ROBO2: variants seen among roughly 807,000 people sequenced by gnomAD.
ROBO2 encodes roundabout homolog 2.
In ROBO2, 53 loss-of-function variants were observed where a neutral mutation model predicts 160.8. The observed-to-expected ratio is 0.33, with a 90% CI of 0.26 to 0.41. The LOEUF (loss-of-function observed/expected upper bound fraction) is 0.41, where lower values mean the gene tolerates loss of function less well. ROBO2 is among the 10% of genes least tolerant of loss of function. ROBO2 has a pLI of 1.00. For synonymous variants in ROBO2, 664 were observed against 611.7 expected (o/e 1.09, Z -1.26); for missense variants, 1,577 against 1,722.4 (o/e 0.92, Z 1.49).
At chr3:77,358,000 C>G (rs1465707853) in intron 2 of ROBO2, among the ~76,000 whole-genome samples, 1 of 152,106 alleles carries the variant, frequency 6.6e-6, no homozygotes, top group Admixed American at 6.6e-5. Context: ...CAGGAAGATC[C>G]TGTTTAAAAT....
chr3:77,381,726 T>G (rs895449409), intron 2 of ROBO2, among the ~76,000 whole-genome samples: 1 of 152,248 alleles, frequency 6.6e-6, no homozygotes, highest in East Asian at 1.9e-4. Flanking sequence ...AACATCATCA[T>G]TGAAAATCTC....
intron 2 of ROBO2, among the ~76,000 whole-genome samples, chr3:76,117,792 A>G (rs952837742): frequency 1.3e-5 from 2 of 152,210 alleles, no homozygotes; most frequent in African/African-American, 4.8e-5. Flanking sequence ...AATGAATTTT[A>G]AACAAAAACT....
chr3:77,465,319 T>C (rs2153575411), intron 2 of ROBO2, among the ~76,000 whole-genome samples: 1 of 152,280 alleles, frequency 6.6e-6, no homozygotes, highest in Admixed American at 6.5e-5. Flanking sequence ...GGAGAGAAAC[T>C]CAAACCATCT....
intron 2 of ROBO2, among the ~76,000 whole-genome samples, chr3:77,345,329 G>T (rs561655896): frequency 6.6e-6 from 1 of 152,038 alleles, no homozygotes; most frequent in Non-Finnish European, 1.5e-5. Flanking sequence ...GTAGAAACAT[G>T]GCAGACTTGG....
intron 2 of ROBO2, among the ~76,000 whole-genome samples, chr3:76,380,259 T>G (rs997295060): frequency 2.0e-5 from 3 of 152,158 alleles, no homozygotes; most frequent in African/African-American, 7.2e-5. Context: ...ATAGAAAGAT[T>G]TGGCACACAT....
intron 2 of ROBO2, among the ~76,000 whole-genome samples, chr3:76,627,778 C>G (rs2089755006): frequency 6.6e-6 from 1 of 152,154 alleles, no homozygotes; most frequent in East Asian, 1.9e-4. Flanking sequence ...GGAAAGCTCA[C>G]TTGTCTGCCT....
At chr3:77,622,856 G>A (rs923013552) in intron 23 of ROBO2, among the ~76,000 whole-genome samples, 4 of 152,198 alleles carry the variant, frequency 2.6e-5, no homozygotes, top group African/African-American at 7.2e-5. Flanking sequence ...AAGTAAGCAC[G>A]TCTCCTGAAT....
At chr3:76,601,404 G>A (rs1196514143) in intron 2 of ROBO2, among the ~76,000 whole-genome samples, 1 of 152,180 alleles carries the variant, frequency 6.6e-6, no homozygotes, top group Non-Finnish European at 1.5e-5. Flanking sequence ...TTCCACCCTT[G>A]CAGCAAACTT....
rs377218108 is a variant in ROBO2, at chr3:76,055,000, C to G, written c.109+117398C>G. Reference sequence around the variant, plus strand: ...GCTGCTAATAAAGACATACCCGAGACTGGGTCATTTATCAAGGAAAGAGGT... The same window carrying G: ...GCTGCTAATAAAGACATACCCGAGAGTGGGTCATTTATCAAGGAAAGAGGT... On this transcript the variant is annotated intron_variant, in intron 2 of 26. Transcript: ENST00000487694. Among the ~76,000 whole-genome samples the G allele has an allele frequency of 5.9e-5, 9 of 152,268 alleles. No homozygotes were observed. In the East Asian group the frequency reaches 7.7e-4, roughly 13 times the overall value.
At chr3:77,035,562 C>T (rs552675033), upstream of ROBO2, among the ~76,000 whole-genome samples, 4 of 151,952 alleles carry the variant, frequency 2.6e-5, no homozygotes, top group East Asian at 7.7e-4. Context: ...AACTTAAATT[C>T]AGATTTATAA....
At chr3:77,281,304 A>C (rs1398088894) in intron 2 of ROBO2, among the ~76,000 whole-genome samples, 1 of 150,474 alleles carries the variant, frequency 6.6e-6, no homozygotes, top group East Asian at 2.1e-4. Context: ...ACCAATTTTC[A>C]ATCCTTCTTT....
intron 20 of ROBO2, 139 bp from the exon 22 acceptor site, chr3:77,607,659 A>C (rs1300201272): frequency 3.8e-6 from 3 of 785,250 alleles, no homozygotes; most frequent in Non-Finnish European, 6.4e-6. Flanking sequence ...TTCTGATTAT[A>C]TCATTTCATT....
At chr3:77,377,466 T>C (rs1210706535) in intron 2 of ROBO2, among the ~76,000 whole-genome samples, 1 of 152,204 alleles carries the variant, frequency 6.6e-6, no homozygotes, top group East Asian at 1.9e-4. Flanking sequence ...ATTACAGTGA[T>C]CTTAATCCAT....
intron 2 of ROBO2, among the ~76,000 whole-genome samples, chr3:76,024,592 A>G (rs1470660287): frequency 6.6e-6 from 1 of 151,650 alleles, no homozygotes; most frequent in East Asian, 1.9e-4. Flanking sequence ...CTATATGGAA[A>G]GAGTATTCGA....
chr3:75,922,900 T>A (rs564323975), intron 1 of ROBO2, among the ~76,000 whole-genome samples: 3 of 152,182 alleles, frequency 2.0e-5, no homozygotes. Context: ...TAATGACAAA[T>A]GCATGTTCAT....
intron 2 of ROBO2, among the ~76,000 whole-genome samples, chr3:75,990,394 TA>T (rs2065533374): frequency 6.6e-6 from 1 of 152,064 alleles, no homozygotes; most frequent in Non-Finnish European, 1.5e-5. Context: ...TCTGGAACAG[TA>T]AAGGGGAAAC....
Position 76,181,867 on chromosome 3 carries a change from TGCCACATTTTTATTATGTA to T in ROBO2, c.109+244268_109+244286del, listed in dbSNP as rs1360785541. On this transcript the variant is annotated intron_variant, in intron 2 of 26. Coordinates refer to the ROBO2 transcript ENST00000487694. ...TTCAACTCTATAAAAAATCTCTGCA[TGCCACATTTTTATTATGTA>T]GCTTTATTCCCAGACCATTTTCCCC... is the stretch of plus-strand genomic sequence containing the variant. Among the ~76,000 whole-genome samples, 5 of 152,314 alleles carry T rather than the reference TGCCACATTTTTATTATGTA, an allele frequency of 3.3e-5. No homozygotes were observed. The East Asian group carries it at 9.7e-4, about 29-fold the overall frequency.
At chr3:77,623,489 C>T (rs553531797) in intron 23 of ROBO2, among the ~76,000 whole-genome samples, 3 of 152,328 alleles carry the variant, frequency 2.0e-5, no homozygotes, top group East Asian at 1.9e-4. Context: ...GCAGCATCAG[C>T]GCCTATGATT....
chr3:76,926,000 C>T (rs2149023895), intron 2 of ROBO2, among the ~76,000 whole-genome samples: 1 of 152,274 alleles, frequency 6.6e-6, no homozygotes, highest in Admixed American at 6.5e-5. Flanking sequence ...TGCCATGCTA[C>T]CAATTGGTTT....
Sources: gnomAD v4.1 joint callset for allele counts (sites outside exome capture counted in the v4.1 genomes callset) on GRCh38, gnomAD v4.1.1 for gene constraint, MANE v1.5 for transcripts, NCBI Gene and HGNC (gene_info 2026-07-23, HGNC 2026-07-21) for gene names.